IBTK: variants seen among roughly 807,000 people sequenced by gnomAD.
IBTK encodes the protein BTK-binding protein.
IBTK carries 83 observed loss-of-function variants against 154.9 expected under a neutral mutation model. That is an observed-to-expected ratio of 0.54 (90% CI 0.45 to 0.64). The LOEUF is 0.64. Ranked by LOEUF, IBTK falls within the 30% of genes least tolerant of loss-of-function variation. IBTK has a pLI of 0.00. For missense variants in IBTK, 1,332 were observed against 1,584.6 expected (o/e 0.84, Z 2.71); for synonymous variants, 515 against 536.1 (o/e 0.96, Z 0.54).
chr6:82,228,853 C>T (rs1213392799), intron 4 of IBTK, among the ~76,000 whole-genome samples: 2 of 152,024 alleles, frequency 1.3e-5, no homozygotes, highest in Non-Finnish European at 2.9e-5. Flanking sequence ...GATCTCCTGA[C>T]CTCGTGATCT....
At chr6:82,198,677 T>G (rs2127806683) in intron 21 of IBTK, among the ~76,000 whole-genome samples, 1 of 152,250 alleles carries the variant, frequency 6.6e-6, no homozygotes, top group African/African-American at 2.4e-5. Context: ...GACTATGAAG[T>G]ACTGTTAGCA....
At chr6:82,212,257 A>G (rs1320064546) in intron 13 of IBTK, among the ~76,000 whole-genome samples, 1 of 152,180 alleles carries the variant, frequency 6.6e-6, no homozygotes, top group African/African-American at 2.4e-5. Flanking sequence ...AAGTGCTGAG[A>G]TTACAGGCGT....
In IBTK at chr6:82,240,152, C is replaced by A. The variant is rs1554188344; in HGVS notation, c.321+14G>T. On this transcript the variant is annotated intron_variant, in intron 2 of 28. Coordinates refer to ENST00000306270, the MANE Select transcript of IBTK (RefSeq NM_015525.4). ...CCAGACTAAATACGTTTAAAATAAA[C>A]AAATGACAATTACCTTCAATAGAGA... is the stretch of plus-strand genomic sequence containing the variant. 6 of 1,581,264 alleles carry A rather than the reference C, an allele frequency of 3.8e-6. No individual in the cohort carries two copies. Among genetic ancestry groups the A allele is most frequent in the East Asian group, 2.3e-5 (1 of 43,560 alleles).
At chr6:82,202,917 CA>C (rs1342161857) in intron 17 of IBTK, among the ~76,000 whole-genome samples, 2 of 152,188 alleles carry the variant, frequency 1.3e-5, no homozygotes, top group East Asian at 3.9e-4. Context: ...TAGTGCCACC[CA>C]AAAGCAAACA....
At position 82,179,883 on chromosome 6, in the gene IBTK, G is replaced by A. The variant is rs186103849; in HGVS notation, c.3725+1996C>T. ...GTTGAATCTTACACAAGAAAGGAAA[G>A]GGGTAATTAATAGTTTTCAGGCTTC... On this transcript the variant is annotated intron_variant, in intron 26 of 28. Transcript: ENST00000306270. Among the ~76,000 whole-genome samples, 269 of 152,308 alleles carry A rather than the reference G, an allele frequency of 1.8e-3. 1 individual carries two copies. Among genetic ancestry groups the A allele is most frequent in the Non-Finnish European group, 3.5e-3 (238 of 68,036 alleles).
Position 82,200,567 on chromosome 6 carries a change from A to G in IBTK, c.2912+20T>C. ...AGGAAGAAAAGGAGGAAAAGAAAAA[A>G]AAAAAAGAAAACAGCTTACGAATGA... On this transcript the variant is annotated intron_variant, in intron 20 of 28. Coordinates refer to ENST00000306270, the MANE Select transcript of IBTK (RefSeq NM_015525.4). 6.6e-7 allele frequency: 1 copy of G among 1,510,406 alleles called. No homozygotes were observed. Among genetic ancestry groups the G allele is most frequent in the South Asian group, 1.3e-5 (1 of 78,400 alleles). The allele number at this position is 1,510,406 out of a possible 1,614,324, so 93.6% of individuals were successfully genotyped here. A position where few individuals can be genotyped will look rare whatever the true frequency, so the allele number is the denominator to read the frequency against.
intron 17 of IBTK, among the ~76,000 whole-genome samples, chr6:82,203,473 A>C (rs1464636501): frequency 6.6e-6 from 1 of 152,144 alleles, no homozygotes; most frequent in Non-Finnish European, 1.5e-5. Flanking sequence ...TTGCAACTGC[A>C]GTCAATAATG....
intron 4 of IBTK, 123 bp from the exon 5 acceptor site, chr6:82,227,425 G>A: frequency 4.2e-6 from 2 of 472,642 alleles, no homozygotes; most frequent in Non-Finnish European, 3.6e-6. Flanking sequence ...GAATTTATAA[G>A]ACTTTAATTT....
At chr6:82,210,073 G>A (rs886573991) in intron 16 of IBTK, among the ~76,000 whole-genome samples, 11 of 152,122 alleles carry the variant, frequency 7.2e-5, no homozygotes, top group African/African-American at 1.9e-4. Flanking sequence ...CCATTCCAAT[G>A]AGTAAACATA....
chr6:82,207,330 T>C (rs897390382), intron 16 of IBTK, among the ~76,000 whole-genome samples: 5 of 152,052 alleles, frequency 3.3e-5, no homozygotes, highest in Admixed American at 2.6e-4. Flanking sequence ...AAAATTTCCA[T>C]TTAAAATAGC....
At chr6:82,214,950 G>T in intron 11 of IBTK, 121 bp from the exon 12 acceptor site, 1 of 1,038,550 alleles carries the variant, frequency 9.6e-7, no homozygotes, top group Non-Finnish European at 1.4e-6. Flanking sequence ...TTTTAAATTT[G>T]GCATTTCCTA....
chr6:82,174,490 T>C (rs538551327), intron 26 of IBTK, among the ~76,000 whole-genome samples: 5 of 152,226 alleles, frequency 3.3e-5, no homozygotes, highest in African/African-American at 1.2e-4. Flanking sequence ...GTTGTACAAA[T>C]ACATGGACCT....
chr6:82,240,022 C>A, intron 2 of IBTK, 144 bp downstream of exon 2: 2 of 628,398 alleles, frequency 3.2e-6, no homozygotes, highest in Non-Finnish European at 5.3e-6. Flanking sequence ...GTTTTAATTC[C>A]AAAGATCAGT....
At chr6:82,229,895 T>C (rs987968106) in intron 4 of IBTK, among the ~76,000 whole-genome samples, 9 of 152,208 alleles carry the variant, frequency 5.9e-5, no homozygotes, top group Admixed American at 2.0e-4. Context: ...TAATATTCTC[T>C]AGAGTTTAAG....
rs1202046247 is a variant in IBTK, at chr6:82,177,264, C to T, written c.3726-3826G>A. On this transcript the variant is annotated intron_variant, in intron 26 of 28. Coordinates refer to ENST00000306270, the MANE Select transcript of IBTK (RefSeq NM_015525.4). ...TCACTCTGTCGCTCAGGCTGGAGTGCGGTGACGTGATCCTGGCTCACTGCA... is the reference window on the plus strand; with the variant it reads ...TCACTCTGTCGCTCAGGCTGGAGTGTGGTGACGTGATCCTGGCTCACTGCA... 2.6e-5 allele frequency among the ~76,000 whole-genome samples: 4 copies of T among 151,986 alleles called. No individual in the cohort carries two copies. In the East Asian group the frequency reaches 7.7e-4, roughly 29 times the overall value.
At chr6:82,179,237 A>G (rs1170754173) in intron 26 of IBTK, among the ~76,000 whole-genome samples, 4 of 152,208 alleles carry the variant, frequency 2.6e-5, no homozygotes, top group African/African-American at 7.2e-5. Flanking sequence ...GGAAGTGCCA[A>G]AGACACAAAT....
chr6:82,198,342 A>C (rs982162735), intron 21 of IBTK, among the ~76,000 whole-genome samples: 5 of 152,158 alleles, frequency 3.3e-5, no homozygotes, highest in African/African-American at 1.2e-4. Context: ...CACAGAGAAC[A>C]CAGAGTCACA....
chr6:82,195,748 T>G (rs1768960469), intron 22 of IBTK, among the ~76,000 whole-genome samples: 1 of 152,152 alleles, frequency 6.6e-6, no homozygotes, highest in South Asian at 2.1e-4. Context: ...CTCTAATAGG[T>G]TAACAGCTAT....
At chr6:82,175,133 C>A in intron 26 of IBTK, 1 of 278,512 alleles carries the variant, frequency 3.6e-6, no homozygotes, top group Non-Finnish European at 7.3e-6. Flanking sequence ...CACCAGAATA[C>A]TTGGAAATAG....
Sources: allele counts gnomAD v4.1 joint callset (sites outside exome capture counted in the v4.1 genomes callset), GRCh38; gene constraint gnomAD v4.1.1; transcripts MANE v1.5; gene names NCBI Gene and HGNC (gene_info 2026-07-23, HGNC 2026-07-21).